Variants in TCF4 observed in about 807,000 individuals in gnomAD.
The protein encoded by TCF4 is transcription factor 4.
A neutral mutation model predicts 82.1 loss-of-function variants in TCF4; 3 were observed. That is an observed-to-expected ratio of 0.04 (90% CI 0.02 to 0.09). The LOEUF is 0.09. Among genes scored for constraint, TCF4 ranks in the 10% least tolerant of loss-of-function variants. TCF4 has a pLI of 1.00. For missense variants in TCF4, 518 were observed against 852.7 expected (o/e 0.61, Z 4.89); for synonymous variants, 276 against 309.6 (o/e 0.89, Z 1.14).
At chr18:55,282,985 C>A (rs537009604) in intron 8 of TCF4, among the ~76,000 whole-genome samples, 1 of 152,134 alleles carries the variant, frequency 6.6e-6, no homozygotes, top group East Asian at 1.9e-4. Flanking sequence ...TTTTAGTAAC[C>A]TATTTGTTGA....
chr18:55,461,081 G>T lies in TCF4; in HGVS notation c.242C>A (p.Thr81Asn), dbSNP rs760934731. The change falls in exon 5 of 20, where the codon ACC (threonine) becomes AAC (asparagine). Residue 81 changes from threonine to asparagine, a missense_variant. By Grantham distance (65) the Thr-to-Asn change is moderately conservative. Coordinates refer to ENST00000354452, the MANE Select transcript of TCF4 (RefSeq NM_001083962.2). ...GTCATGTGACCCAAGGTCCCTGCTG[G>T]TCATGTGGTCATAGGGAGTCCCATC... is the stretch of plus-strand genomic sequence containing the variant. ...YGDGTPYDHM[T>N]SRDLGSHDNL... 6 of 1,613,312 alleles carry T rather than the reference G, an allele frequency of 3.7e-6. No individual in the cohort carries two copies. The highest frequency in any genetic ancestry group is 3.4e-6 in the Non-Finnish European group (4 of 1,179,514).
At chr18:55,355,591 A>G (rs544025543) in intron 6 of TCF4, among the ~76,000 whole-genome samples, 1 of 152,174 alleles carries the variant, frequency 6.6e-6, no homozygotes, top group Admixed American at 6.6e-5. Flanking sequence ...CCACTTTTGA[A>G]CTTCAAAGCT....
At chr18:55,456,082 T>G (rs1258034796) in intron 5 of TCF4, among the ~76,000 whole-genome samples, 1 of 152,194 alleles carries the variant, frequency 6.6e-6, no homozygotes, top group South Asian at 2.1e-4. Flanking sequence ...CCATAAACAC[T>G]CTGAAGTAAT....
intron 3 of TCF4, among the ~76,000 whole-genome samples, chr18:55,542,485 C>T (rs182332625): frequency 3.0e-4 from 45 of 152,022 alleles, no homozygotes; most frequent in African/African-American, 1.1e-3. Context: ...AATGAGTCAA[C>T]CAAGAAGACA....
At chr18:55,588,385 T>G (rs1456126981), upstream of TCF4, 2 of 1,529,356 alleles carry the variant, frequency 1.3e-6, no homozygotes, top group East Asian at 4.9e-5. Flanking sequence ...TGCATCCCCC[T>G]CGCACCCACC....
intron 5 of TCF4, among the ~76,000 whole-genome samples, chr18:55,456,468 G>C (rs1046810077): frequency 2.6e-5 from 4 of 152,132 alleles, no homozygotes; most frequent in Middle Eastern, 3.2e-3. Flanking sequence ...ATGTACAAAA[G>C]TATCGCTTTT....
At chr18:55,322,105 C>CTTTTTTTTTTTTTTTTTTTTTTT (rs1213553765) in intron 8 of TCF4, 1 of 588,692 alleles carries the variant, frequency 1.7e-6, no homozygotes, top group Non-Finnish European at 2.1e-6. Context: ...TTTTTTTTTC[C>CTTTTTTTTTTTTTTTTTTTTTTT]TTTTTTTTTT....
chr18:55,338,405 T>A (rs2079097807), intron 8 of TCF4, among the ~76,000 whole-genome samples: 1 of 152,138 alleles, frequency 6.6e-6, no homozygotes, highest in African/African-American at 2.4e-5. Flanking sequence ...CAGACAGAAA[T>A]GGCCATGAGT....
intron 5 of TCF4, among the ~76,000 whole-genome samples, chr18:55,451,099 G>C (rs2095614091): frequency 6.6e-6 from 1 of 152,192 alleles, no homozygotes; most frequent in African/African-American, 2.4e-5. Context: ...GATGTTTACA[G>C]AAGTGAACAT....
intron 10 of TCF4, among the ~76,000 whole-genome samples, chr18:55,273,341 A>G (rs905294611): frequency 1.1e-4 from 16 of 152,270 alleles, no homozygotes; most frequent in Non-Finnish European, 1.9e-4. Flanking sequence ...ATTATACCCC[A>G]AATAATCCAG....
chr18:55,391,468 C>T (rs1463134794), intron 6 of TCF4, among the ~76,000 whole-genome samples: 1 of 151,910 alleles, frequency 6.6e-6, no homozygotes, highest in African/African-American at 2.4e-5. Context: ...AGTGATGACC[C>T]TCTCTAGGAC....
At chr18:55,615,274 TACA>T (rs2097710737) in intron 2 of TCF4, among the ~76,000 whole-genome samples, 1 of 152,132 alleles carries the variant, frequency 6.6e-6, no homozygotes, top group African/African-American at 2.4e-5. Flanking sequence ...GTTTTCAGTG[TACA>T]ACACTTGCAC....
At chr18:55,593,505 G>T (rs545624101), upstream of TCF4, among the ~76,000 whole-genome samples, 4 of 152,060 alleles carry the variant, frequency 2.6e-5, no homozygotes, top group Admixed American at 6.5e-5. Flanking sequence ...TATGTTGAAG[G>T]GTACTTGGTC....
chr18:55,333,594 A>G (rs376243490), intron 8 of TCF4, among the ~76,000 whole-genome samples: 32 of 152,300 alleles, frequency 2.1e-4, no homozygotes, highest in African/African-American at 7.7e-4. Flanking sequence ...TAAAGCTAAC[A>G]TCTTAATAAG....
chr18:55,302,787 C>A (rs954949484), intron 8 of TCF4, among the ~76,000 whole-genome samples: 1 of 152,174 alleles, frequency 6.6e-6, no homozygotes, highest in Non-Finnish European at 1.5e-5. Context: ...ATCTGGAGCC[C>A]GTTTAGCAGC....
At position 55,635,764 on chromosome 18, in the gene TCF4, T is replaced by C. The variant is rs2097735775; in HGVS notation, c.134A>G (p.Asp45Gly). The stretch of plus-strand genomic sequence containing the variant: ...CTCAACCCAAGTGCATGTTACAATG[T>C]CCTGAGAAGTTTTAAAAAATGATGG... The change falls in exon 1 of 21, where the codon GAC becomes GGC. Residue 45 changes from aspartate (D) to glycine (G), a missense_variant. Coordinates refer to the TCF4 transcript ENST00000398339. 4 of 1,550,670 alleles carry C rather than the reference T, an allele frequency of 2.6e-6. No homozygotes were observed. The South Asian group carries it at 3.6e-5, about 14-fold the overall frequency.
chr18:55,587,773 G>C (rs2097665117), intron 1 of TCF4, among the ~76,000 whole-genome samples: 1 of 149,356 alleles, frequency 6.7e-6, no homozygotes, highest in African/African-American at 2.4e-5. Flanking sequence ...ACCCTAATTT[G>C]TGAAAGAAAG....
chr18:55,362,400 A>G (rs1299410508), intron 6 of TCF4, among the ~76,000 whole-genome samples: 1 of 141,292 alleles, frequency 7.1e-6, no homozygotes, highest in Non-Finnish European at 1.5e-5. Context: ...GAAAGAAGGA[A>G]GGAAGGAAGG....
chr18:55,561,380 T>C (rs2097353680), intron 3 of TCF4, among the ~76,000 whole-genome samples: 1 of 152,242 alleles, frequency 6.6e-6, no homozygotes, highest in Non-Finnish European at 1.5e-5. Context: ...TATCTCAAGC[T>C]TTCAACACAG....
Sources: gnomAD v4.1 joint callset for allele counts (sites outside exome capture counted in the v4.1 genomes callset) on GRCh38, gnomAD v4.1.1 for gene constraint, MANE v1.5 for transcripts, NCBI Gene and HGNC (gene_info 2026-07-23, HGNC 2026-07-21) for gene names.